SPTLC2: variants seen among roughly 807,000 people sequenced by gnomAD.
The protein encoded by SPTLC2 is serine palmitoyltransferase 2.
In SPTLC2, 21 loss-of-function variants were observed where a neutral mutation model predicts 62.0. That is an observed-to-expected ratio of 0.34 (90% CI 0.24 to 0.49). The LOEUF is 0.49. SPTLC2 is among the 20% of genes least tolerant of loss of function. The pLI, the probability that SPTLC2 is intolerant of heterozygous loss-of-function variation, is 0.99. For synonymous variants in SPTLC2, 261 were observed against 261.8 expected (o/e 1.00, Z 0.03); for missense variants, 511 against 713.0 (o/e 0.72, Z 3.23).
intron 3 of SPTLC2, 61 bp from the exon 4 acceptor site, chr14:77,576,976 T>TGTACATGTACTTACATG: frequency 6.3e-7 from 1 of 1,583,312 alleles, no homozygotes; most frequent in Non-Finnish European, 8.7e-7. Context: ...ACATGTAATA[T>TGTACATGTACTTACATG]TAAATGAACT....
chr14:77,549,435 G>C (rs576821323), intron 9 of SPTLC2, among the ~76,000 whole-genome samples: 20 of 152,258 alleles, frequency 1.3e-4, no homozygotes, highest in Admixed American at 9.2e-4. Flanking sequence ...GTCATGAGGA[G>C]CCTAAGCCAC....
intron 1 of SPTLC2, among the ~76,000 whole-genome samples, chr14:77,614,167 T>C (rs2079952330): frequency 6.6e-6 from 1 of 152,230 alleles, no homozygotes; most frequent in Admixed American, 6.5e-5. Flanking sequence ...GTCATGTTAG[T>C]ACCTTGATAT....
chr14:77,557,340 A>G (rs2079589976), intron 6 of SPTLC2, 194 bp from the exon 7 acceptor site: 1 of 596,310 alleles, frequency 1.7e-6, no homozygotes, highest in Non-Finnish European at 3.0e-6. Context: ...AATGTAACAA[A>G]TGTTCAAAAC....
chr14:77,577,495 C>T (rs145134051), intron 3 of SPTLC2, among the ~76,000 whole-genome samples: 80 of 152,272 alleles, frequency 5.3e-4, no homozygotes, highest in Non-Finnish European at 8.8e-4. Context: ...CCCAACATGT[C>T]ACACCATGGC....
At chr14:77,526,799 CTTT>C (rs11439888) in intron 9 of SPTLC2, among the ~76,000 whole-genome samples, 1 of 146,030 alleles carries the variant, frequency 6.8e-6, no homozygotes. Context: ...TTATTTAGTT[CTTT>C]TTTTTTTTTT....
At chr14:77,591,764 C>A (rs1430340317) in intron 2 of SPTLC2, among the ~76,000 whole-genome samples, 1 of 143,892 alleles carries the variant, frequency 6.9e-6, no homozygotes, top group Non-Finnish European at 1.5e-5. Context: ...TCTCTTGTTG[C>A]CCAGGCTGGA....
intron 2 of SPTLC2, among the ~76,000 whole-genome samples, chr14:77,595,615 A>T (rs1483629692): frequency 3.9e-5 from 6 of 152,208 alleles, no homozygotes; most frequent in Non-Finnish European, 5.9e-5. Context: ...CCCAGGAGCC[A>T]CTTTTGAATC....
At chr14:77,605,134 C>T (rs1042096730) in intron 1 of SPTLC2, among the ~76,000 whole-genome samples, 1 of 151,970 alleles carries the variant, frequency 6.6e-6, no homozygotes, top group African/African-American at 2.4e-5. Flanking sequence ...ACTTCAGCCT[C>T]CAGAGTAGCT....
chr14:77,553,927 A>G (rs1186991720), intron 8 of SPTLC2, among the ~76,000 whole-genome samples: 1 of 151,640 alleles, frequency 6.6e-6, no homozygotes, highest in African/African-American at 2.4e-5. Flanking sequence ...CAATCCTCTC[A>G]TCTCAGCCTC....
chr14:77,613,571 A>C (rs889908101), intron 1 of SPTLC2, among the ~76,000 whole-genome samples: 13 of 152,194 alleles, frequency 8.5e-5, no homozygotes, highest in African/African-American at 2.7e-4. Flanking sequence ...TTTACTATAC[A>C]CATTCATTCA....
At chr14:77,590,141 A>AGTCTTTTTTT (rs1361089718) in intron 2 of SPTLC2, among the ~76,000 whole-genome samples, 5 of 151,996 alleles carry the variant, frequency 3.3e-5, no homozygotes, top group Non-Finnish European at 7.4e-5. Flanking sequence ...ACACCCAGCT[A>AGTCTTTTTTT]ATTTTTTAAT....
chr14:77,522,923 T>TTCA (rs1566768008), intron 9 of SPTLC2, among the ~76,000 whole-genome samples: 3 of 152,210 alleles, frequency 2.0e-5, no homozygotes, highest in Non-Finnish European at 4.4e-5. Flanking sequence ...ATATCCATCA[T>TTCA]TCATGGGAAG....
At chr14:77,589,395 C>T (rs142382468) in intron 2 of SPTLC2, among the ~76,000 whole-genome samples, 12 of 152,158 alleles carry the variant, frequency 7.9e-5, no homozygotes, top group Middle Eastern at 3.4e-3. Flanking sequence ...CATGTGTGTA[C>T]GTACACACCT....
At chr14:77,614,844 G>T (rs757213952) in intron 1 of SPTLC2, among the ~76,000 whole-genome samples, 1 of 150,782 alleles carries the variant, frequency 6.6e-6, no homozygotes, top group African/African-American at 2.4e-5. Context: ...GATGACGGGC[G>T]CCTGTAATCC....
At chr14:77,532,011 T>C (rs1037773688) in intron 9 of SPTLC2, among the ~76,000 whole-genome samples, 2 of 152,188 alleles carry the variant, frequency 1.3e-5, no homozygotes, top group Non-Finnish European at 1.5e-5. Context: ...CTATTGATGA[T>C]TTTAAATACA....
intron 7 of SPTLC2, 101 bp from the exon 8 acceptor site, chr14:77,555,620 C>CT (rs967283106): frequency 0.015 from 14,652 of 988,624 alleles, no homozygotes; most frequent in Non-Finnish European, 0.017. Flanking sequence ...TTTACTGCTT[C>CT]TTTTTTTTTT....
intron 2 of SPTLC2, among the ~76,000 whole-genome samples, chr14:77,585,752 G>A (rs545879969): frequency 1.6e-4 from 25 of 152,258 alleles, no homozygotes; most frequent in South Asian, 6.2e-4. Flanking sequence ...AAAGGAAAAC[G>A]TGGGAGAAAA....
chr14:77,605,244 C>G (rs2079899208), intron 1 of SPTLC2, among the ~76,000 whole-genome samples: 3 of 151,648 alleles, frequency 2.0e-5, no homozygotes, highest in Admixed American at 2.0e-4. Context: ...CTCCTGGCCT[C>G]AAGGAATCCT....
chr14:77,588,561 T>C (rs1403741608), intron 2 of SPTLC2, among the ~76,000 whole-genome samples: 1 of 150,494 alleles, frequency 6.6e-6, no homozygotes, highest in Non-Finnish European at 1.5e-5. Context: ...CCAGTTGTGG[T>C]AGCGTGCGCC....
Sources: allele counts gnomAD v4.1 joint callset (sites outside exome capture counted in the v4.1 genomes callset), GRCh38; gene constraint gnomAD v4.1.1; transcripts MANE v1.5; gene names NCBI Gene and HGNC (gene_info 2026-07-23, HGNC 2026-07-21).